The following HNRNPR variants were observed in gnomAD, a reference collection of about 807,000 sequenced individuals.
HNRNPR encodes heterogeneous nuclear ribonucleoprotein R.
In HNRNPR, 4 loss-of-function variants were observed where a neutral mutation model predicts 70.3. The observed-to-expected ratio is 0.06, with a 90% CI of 0.03 to 0.13. The LOEUF is 0.13. Among genes scored for constraint, HNRNPR ranks in the 10% least tolerant of loss-of-function variants. HNRNPR has a pLI of 1.00. For missense variants in HNRNPR, 423 were observed against 788.5 expected, an observed-to-expected ratio of 0.54 and a Z score of 5.55; for synonymous variants, 241 against 267.6, an observed-to-expected ratio of 0.90 and a Z score of 0.97.
intron 8 of HNRNPR, among the ~76,000 whole-genome samples, chr1:23,314,913 AT>A (rs2148331193): frequency 6.6e-6 from 1 of 152,288 alleles, no homozygotes; most frequent in African/African-American, 2.4e-5. Flanking sequence ...AGAGCAAAAG[AT>A]TAGAAACAAT....
intron 1 of HNRNPR, among the ~76,000 whole-genome samples, chr1:23,343,641 C>T (rs773074724): frequency 6.6e-6 from 1 of 152,194 alleles, no homozygotes; most frequent in Non-Finnish European, 1.5e-5. Context: ...AATCTCAGCC[C>T]GCGGCATGCA....
chr1:23,313,726 A>G, intron 8 of HNRNPR, 24 bp from the exon 9 acceptor site: 1 of 1,596,338 alleles, frequency 6.3e-7, no homozygotes, highest in South Asian at 1.2e-5. Context: ...AATAAACAAA[A>G]CCGTCATTGG....
At chr1:23,342,336 T>C (rs1227479315) in intron 1 of HNRNPR, among the ~76,000 whole-genome samples, 2 of 152,036 alleles carry the variant, frequency 1.3e-5, no homozygotes, top group Non-Finnish European at 2.9e-5. Context: ...AAGGAGGTAA[T>C]AGAGAGTAGG....
intron 2 of HNRNPR, 57 bp from the exon 3 acceptor site, chr1:23,338,665 C>A (rs2148486415): frequency 1.3e-6 from 1 of 778,562 alleles, no homozygotes; most frequent in South Asian, 1.8e-5. Context: ...AATCTAAGCT[C>A]TACTGACGTT....
chr1:23,305,857 G>C lies in HNRNPR; in HGVS notation c.*4597C>G, dbSNP rs1455582952. 6.6e-6 allele frequency: 1 copy of C among 152,122 alleles called. No individual in the cohort carries two copies. Among genetic ancestry groups the C allele is most frequent in the East Asian group, 1.9e-4 (1 of 5,202 alleles). 9.4% of individuals were successfully genotyped at this position (152,122 alleles called of 1,614,324 possible). On this transcript the variant is annotated 3_prime_UTR_variant, in exon 11 of 11. Transcript: ENST00000302271. ...AATTTCCTCTTGACCCAAAGTCATT[G>C]TCTCAACATATCTCTAAATTGAGGC...
At chr1:23,328,491 TTTG>T (rs927875797) in intron 5 of HNRNPR, among the ~76,000 whole-genome samples, 20 of 152,218 alleles carry the variant, frequency 1.3e-4, no homozygotes, top group African/African-American at 3.4e-4. Flanking sequence ...AGTTTCGTTT[TTTG>T]TTGTTGTTGT....
At position 23,308,089 on chromosome 1, in the gene HNRNPR, T is replaced by C. The variant is rs944153493; in HGVS notation, c.*2365A>G. 1.4e-4 allele frequency: 22 copies of C among 152,110 alleles called. No individual in the cohort carries two copies. The highest frequency in any genetic ancestry group is 5.3e-4 in the African/African-American group (22 of 41,448). 9.4% of individuals were successfully genotyped at this position (152,110 alleles called of 1,614,324 possible). A position where few individuals can be genotyped will look rare whatever the true frequency, so the allele number is the denominator to read the frequency against. ...TGAAAGAAGAAAAGCTCTTGAGTTT[T>C]AATGTTTATAGGATTATGCTTTACA... On this transcript the variant is annotated 3_prime_UTR_variant, in exon 11 of 11. Coordinates refer to ENST00000302271, the MANE Select transcript of HNRNPR (RefSeq NM_005826.5).
Position 23,324,335 on chromosome 1 carries a change from G to A in HNRNPR, c.499-603C>T, listed in dbSNP as rs879345913. ...TGTAATCCCAGCACTTTGGGAGGCC[G>A]AGGTGGGTGGATCACAAGGTCAGGA... is the stretch of plus-strand genomic sequence containing the variant. On this transcript the variant is annotated intron_variant, in intron 5 of 10. Coordinates refer to ENST00000302271, the MANE Select transcript of HNRNPR (RefSeq NM_005826.5). 9.9e-5 allele frequency among the ~76,000 whole-genome samples: 15 copies of A among 152,252 alleles called. 1 individual carries two copies. The highest frequency in any genetic ancestry group is 4.6e-4 in the Admixed American group (7 of 15,310).
rs1224466143 is a variant in HNRNPR at position 23,305,496 on chromosome 1, G to C, written c.*4958C>G. On this transcript the variant is annotated 3_prime_UTR_variant, in exon 11 of 11. Transcript: ENST00000302271. Reference sequence around the variant, plus strand: ...ACTGATATTCTCAACCAATAAAGAAGATACAGTGCTGTAAGAATACTGAGA... The same window carrying C: ...ACTGATATTCTCAACCAATAAAGAACATACAGTGCTGTAAGAATACTGAGA... 1 of 152,106 alleles carries C rather than the reference G, an allele frequency of 6.6e-6. No individual in the cohort carries two copies. Among genetic ancestry groups the C allele is most frequent in the Admixed American group, 6.5e-5 (1 of 15,274 alleles). The allele number at this position is 152,106 out of a possible 1,614,324, so 9.4% of individuals were successfully genotyped here.
At chr1:23,334,743 C>G (rs1296239686) in intron 4 of HNRNPR, among the ~76,000 whole-genome samples, 1 of 152,144 alleles carries the variant, frequency 6.6e-6, no homozygotes, top group Non-Finnish European at 1.5e-5. Flanking sequence ...ACCAACCTTC[C>G]TTACATTCTA....
At chr1:23,340,662 A>G (rs1298572885) in intron 2 of HNRNPR, among the ~76,000 whole-genome samples, 190 bp downstream of exon 2, 2 of 152,202 alleles carry the variant, frequency 1.3e-5, no homozygotes, top group Non-Finnish European at 2.9e-5. Context: ...CAACACTAAG[A>G]AGGCTTCAAA....
chr1:23,335,236 A>T (rs1470044656), intron 4 of HNRNPR, among the ~76,000 whole-genome samples: 2 of 152,260 alleles, frequency 1.3e-5, no homozygotes, highest in Non-Finnish European at 1.5e-5. Flanking sequence ...AAAATTACAC[A>T]ATGTCAGAAC....
At chr1:23,339,559 C>T (rs1231397607) in intron 2 of HNRNPR, among the ~76,000 whole-genome samples, 1 of 152,096 alleles carries the variant, frequency 6.6e-6, no homozygotes, top group Non-Finnish European at 1.5e-5. Context: ...GCAAGTATTT[C>T]GTAGATTAAA....
At chr1:23,311,121 C>A (rs1238010945) in intron 10 of HNRNPR, 55 bp from the exon 11 acceptor site, 1 of 1,607,988 alleles carries the variant, frequency 6.2e-7, no homozygotes, top group Non-Finnish European at 8.5e-7. Context: ...CTTCAAGACT[C>A]TGATTTTGTT....
chr1:23,336,060 T>A (rs1002832715), intron 4 of HNRNPR, among the ~76,000 whole-genome samples: 3 of 122,962 alleles, frequency 2.4e-5, no homozygotes, highest in Non-Finnish European at 3.3e-5. Flanking sequence ...GAGCTTGCAG[T>A]GAGCCGAGAT....
rs948391066 is a variant in HNRNPR, at chr1:23,310,703, T to C, written c.1653A>G (p.Gln551=). Residue 551 remains glutamine, a synonymous_variant, in exon 11 of 11, where the codon CAA becomes CAG. Coordinates refer to ENST00000302271, the MANE Select transcript of HNRNPR (RefSeq NM_005826.5). This position sits in a 1 kb window ranked among gnomAD's most constrained non-coding sequence, Gnocchi z 6.0. ...CACGGGAACCACGGCCTCTCTGCTG[T>C]TGAGCAGGACCCCCTCTGCCACCCC... ...GSRGGRGGPA[Q]QQRGRGSRGS... is the part of the protein sequence containing the mutation. The C allele has an allele frequency of 3.7e-6, 6 of 1,613,570 alleles. No homozygotes were observed. In the African/African-American group the frequency reaches 6.7e-5, roughly 18 times the overall value.
chr1:23,325,268 T>A (rs593246), intron 5 of HNRNPR, among the ~76,000 whole-genome samples: 1 of 152,040 alleles, frequency 6.6e-6, no homozygotes, highest in Non-Finnish European at 1.5e-5. Flanking sequence ...GTCTGAAAAA[T>A]AGCTGGAATA....
At position 23,308,056 on chromosome 1, in the gene HNRNPR, A is replaced by T. The variant is rs911734968; in HGVS notation, c.*2398T>A. 6.6e-6 allele frequency: 1 copy of T among 152,098 alleles called. No individual in the cohort carries two copies. The allele number at this position is 152,098 out of a possible 1,614,324, so 9.4% of individuals were successfully genotyped here. On this transcript the variant is annotated 3_prime_UTR_variant, in exon 11 of 11. Coordinates refer to ENST00000302271, the MANE Select transcript of HNRNPR (RefSeq NM_005826.5). ...CTGAATGCTGCTACAGTGTTAATTT[A>T]CAAGACATGAAAGAAGAAAAGCTCT...
At chr1:23,314,868 T>C (rs1645469851) in intron 8 of HNRNPR, among the ~76,000 whole-genome samples, 1 of 152,174 alleles carries the variant, frequency 6.6e-6, no homozygotes, top group Admixed American at 6.5e-5. Context: ...TCCACTTGTA[T>C]CAACTAACAT....
Sources: allele counts gnomAD v4.1 joint callset (sites outside exome capture counted in the v4.1 genomes callset), GRCh38; gene constraint gnomAD v4.1.1; non-coding constraint Gnocchi (gnomAD v3.1); transcripts MANE v1.5; gene names NCBI Gene and HGNC (gene_info 2026-07-23, HGNC 2026-07-21).